ADAMTS20: variants seen among roughly 807,000 people sequenced by gnomAD.
ADAMTS20 encodes the protein A disintegrin and metalloproteinase with thrombospondin motifs 20.
A neutral mutation model predicts 260.1 loss-of-function variants in ADAMTS20; 225 were observed. The observed-to-expected ratio is 0.87, with a 90% CI of 0.78 to 0.97. The LOEUF (loss-of-function observed/expected upper bound fraction) is 0.97, where lower values mean the gene tolerates loss of function less well. ADAMTS20 is among the 50% of genes least tolerant of loss of function. The probability of loss-of-function intolerance (pLI) is 0.00; values close to 1 mark genes in which losing one functional copy is unlikely to be tolerated. For synonymous variants in ADAMTS20, 802 were observed against 769.5 expected (o/e 1.04, Z -0.70); for missense variants, 2,400 against 2,337.7 (o/e 1.03, Z -0.55).
chr12:43,379,389 G>A lies in ADAMTS20; in HGVS notation c.4798-1827C>T, dbSNP rs138321691. Among the ~76,000 whole-genome samples, 224 of 152,248 alleles carry A rather than the reference G, an allele frequency of 1.5e-3. 2 individuals are homozygous for A. The highest frequency in any genetic ancestry group is 3.4e-3 in the Middle Eastern group (1 of 294). ...GTGTATTAATGGGATCTAGATGGCCGTGAACATGCATCAGATTGTACACAT... is the reference window on the plus strand; with the variant it reads ...GTGTATTAATGGGATCTAGATGGCCATGAACATGCATCAGATTGTACACAT... On this transcript the variant is annotated intron_variant, in intron 31 of 38. Coordinates refer to ENST00000389420, the MANE Select transcript of ADAMTS20 (RefSeq NM_025003.5).
rs765049714 is a variant in ADAMTS20 at position 43,551,839 on chromosome 12, G to A, written c.83C>T (p.Pro28Leu). 4 of 1,613,602 alleles carry A rather than the reference G, an allele frequency of 2.5e-6. No homozygotes were observed. Among genetic ancestry groups the A allele is most frequent in the African/African-American group, 2.7e-5 (2 of 75,048 alleles). The change falls in exon 1 of 39, where the codon CCC becomes CTC. Residue 28 changes from proline (P) to leucine (L), a missense_variant. Coordinates refer to ENST00000389420, the MANE Select transcript of ADAMTS20 (RefSeq NM_025003.5). This position sits in a 1 kb window ranked among gnomAD's most constrained non-coding sequence, Gnocchi z 4.6. ...ITRSWEVDFHPRQEALVRTLT... is the reference protein window; with the variant it reads ...ITRSWEVDFHLRQEALVRTLT... Reference sequence around the variant, plus strand: ...TCTCGCGGTGACTTTACCTTGCCTGGGGTGGAAGTCAACTTCCCAAGACCT... The same window carrying A: ...TCTCGCGGTGACTTTACCTTGCCTGAGGTGGAAGTCAACTTCCCAAGACCT...
intron 36 of ADAMTS20, among the ~76,000 whole-genome samples, chr12:43,374,490 T>C (rs1940178811): frequency 6.6e-6 from 1 of 152,156 alleles, no homozygotes; most frequent in Non-Finnish European, 1.5e-5. Context: ...CGTTTTGACT[T>C]GATTGTATTA....
chr12:43,364,219 C>T (rs1483468072), intron 37 of ADAMTS20, among the ~76,000 whole-genome samples: 6 of 151,982 alleles, frequency 3.9e-5, no homozygotes, highest in Admixed American at 2.6e-4. Flanking sequence ...AAGAAGTAAA[C>T]GATAACCATA....
At chr12:43,487,128 G>A (rs1277046583) in intron 7 of ADAMTS20, among the ~76,000 whole-genome samples, 1 of 152,112 alleles carries the variant, frequency 6.6e-6, no homozygotes, top group Non-Finnish European at 1.5e-5. Context: ...GCACACATAT[G>A]CTATCTCAGC....
At chr12:43,527,594 G>A (rs371612013) in intron 3 of ADAMTS20, among the ~76,000 whole-genome samples, 1 of 151,960 alleles carries the variant, frequency 6.6e-6, no homozygotes, top group South Asian at 2.1e-4. Flanking sequence ...AAAACCATAT[G>A]ATCTCAACAG....
At chr12:43,540,028 G>T (rs1943355227) in intron 2 of ADAMTS20, among the ~76,000 whole-genome samples, 1 of 151,968 alleles carries the variant, frequency 6.6e-6, no homozygotes, top group Non-Finnish European at 1.5e-5. Context: ...GACTACAGGC[G>T]CTTGCCACCA....
chr12:43,541,776 GT>G (rs1943380023), intron 2 of ADAMTS20, among the ~76,000 whole-genome samples: 1 of 152,034 alleles, frequency 6.6e-6, no homozygotes, highest in African/African-American at 2.4e-5. Context: ...GTTTTGTTTT[GT>G]TTTTTAAGGT....
At chr12:43,419,724 TAACACACACACACA>T (rs905360253) in intron 28 of ADAMTS20, among the ~76,000 whole-genome samples, 1 of 151,770 alleles carries the variant, frequency 6.6e-6, no homozygotes, top group Non-Finnish European at 1.5e-5. Context: ...CTCAACATTA[TAACACACACACACA>T]AACACACACA....
intron 2 of ADAMTS20, among the ~76,000 whole-genome samples, chr12:43,539,402 A>C (rs1006009821): frequency 6.6e-6 from 1 of 152,208 alleles, no homozygotes; most frequent in Non-Finnish European, 1.5e-5. Flanking sequence ...AATAGTTCAA[A>C]AATTAATGAA....
chr12:43,489,586 T>G (rs1206477639), intron 7 of ADAMTS20, among the ~76,000 whole-genome samples: 1 of 151,956 alleles, frequency 6.6e-6, no homozygotes, highest in African/African-American at 2.4e-5. Flanking sequence ...AATCTGAAGA[T>G]ACCCAGTATT....
chr12:43,353,666 A>G (rs976934128), downstream of ADAMTS20, among the ~76,000 whole-genome samples: 4 of 152,152 alleles, frequency 2.6e-5, no homozygotes, highest in Admixed American at 2.6e-4. Flanking sequence ...AGAAAAAATA[A>G]AAGAAGGTAT....
In ADAMTS20 at chr12:43,484,274, G is replaced by A. The variant is rs186715391; in HGVS notation, c.1117+6121C>T. Among the ~76,000 whole-genome samples the A allele has an allele frequency of 4.2e-4, 64 of 152,192 alleles. No homozygotes were observed. The East Asian group carries it at 0.011, about 27-fold the overall frequency. On this transcript the variant is annotated intron_variant, in intron 7 of 38. Coordinates refer to ENST00000389420, the MANE Select transcript of ADAMTS20 (RefSeq NM_025003.5). ...TAATTCTGGCAATATTAAAAACAGG[G>A]TTCTGTGACATCCCCAAAAGATTAT... is the stretch of plus-strand genomic sequence containing the variant.
chr12:43,374,954 T>G (rs928504736), intron 36 of ADAMTS20, among the ~76,000 whole-genome samples: 2 of 152,134 alleles, frequency 1.3e-5, no homozygotes, highest in Admixed American at 6.5e-5. Context: ...GTGGATCACC[T>G]GAGATCAGGA....
At chr12:43,420,353 AGAAAGAT>A (rs1941202988) in intron 28 of ADAMTS20, among the ~76,000 whole-genome samples, 2 of 152,256 alleles carry the variant, frequency 1.3e-5, no homozygotes, top group African/African-American at 2.4e-5. Flanking sequence ...AATGTACTTT[AGAAAGAT>A]ACAGTAGAAA....
chr12:43,392,474 G>T (rs1056235014), intron 29 of ADAMTS20, among the ~76,000 whole-genome samples: 1 of 151,842 alleles, frequency 6.6e-6, no homozygotes, highest in East Asian at 1.9e-4. Flanking sequence ...CTATATTTTC[G>T]ATATGAACCT....
At chr12:43,482,482 G>T (rs908903073) in intron 7 of ADAMTS20, among the ~76,000 whole-genome samples, 16 of 152,248 alleles carry the variant, frequency 1.1e-4, no homozygotes, top group Admixed American at 6.5e-5. Flanking sequence ...CCTTGCAAGA[G>T]TGTGGGAGCT....
At chr12:43,393,753 A>AT (rs965256039) in intron 29 of ADAMTS20, among the ~76,000 whole-genome samples, 8 of 152,008 alleles carry the variant, frequency 5.3e-5, no homozygotes, top group African/African-American at 1.9e-4. Flanking sequence ...CATTAGCAGT[A>AT]GTATAGTATT....
intron 14 of ADAMTS20, among the ~76,000 whole-genome samples, chr12:43,447,015 A>G (rs1462957082): frequency 6.6e-6 from 1 of 152,050 alleles, no homozygotes; most frequent in Non-Finnish European, 1.5e-5. Context: ...TACCATCCAA[A>G]AAAAGCCCAG....
At chr12:43,480,340 T>C in intron 7 of ADAMTS20, among the ~76,000 whole-genome samples, 1 of 151,686 alleles carries the variant, frequency 6.6e-6, no homozygotes, top group East Asian at 1.9e-4. Context: ...GAAGGAAGAG[T>C]CTTGTTCAAG....
Sources: gnomAD v4.1 joint callset for allele counts (sites outside exome capture counted in the v4.1 genomes callset) on GRCh38, gnomAD v4.1.1 for gene constraint, Gnocchi (gnomAD v3.1) non-coding constraint, MANE v1.5 for transcripts, NCBI Gene and HGNC (gene_info 2026-07-23, HGNC 2026-07-21) for gene names.